Variants in TRPM3 observed in about 807,000 individuals in gnomAD.
TRPM3 encodes transient receptor potential cation channel subfamily M member 3.
A neutral mutation model predicts 181.2 loss-of-function variants in TRPM3; 77 were observed. The observed-to-expected ratio is 0.42, with a 90% CI of 0.35 to 0.51. TRPM3 has a LOEUF of 0.51. Among genes scored for constraint, TRPM3 ranks in the 20% least tolerant of loss-of-function variants. The probability of loss-of-function intolerance (pLI) is 0.01; values close to 1 mark genes in which losing one functional copy is unlikely to be tolerated. For synonymous variants in TRPM3, 745 were observed against 796.4 expected, an observed-to-expected ratio of 0.94 and a Z score of 1.09; for missense variants, 1,759 against 2,196.7, an observed-to-expected ratio of 0.80 and a Z score of 3.98.
At chr9:71,161,530 C>A (rs1281500913) in intron 1 of TRPM3, among the ~76,000 whole-genome samples, 2 of 152,146 alleles carry the variant, frequency 1.3e-5, no homozygotes, top group Admixed American at 6.5e-5. Flanking sequence ...CTTGAATAAA[C>A]CCTAAGCCTT....
chr9:71,065,126 A>C (rs2061759378), intron 1 of TRPM3, among the ~76,000 whole-genome samples: 1 of 152,152 alleles, frequency 6.6e-6, no homozygotes, highest in Non-Finnish European at 1.5e-5. Context: ...TTATGAGTGA[A>C]ACTTGTCCAA....
At chr9:70,814,604 T>C (rs2092497425) in intron 6 of TRPM3, among the ~76,000 whole-genome samples, 1 of 152,186 alleles carries the variant, frequency 6.6e-6, no homozygotes, top group Non-Finnish European at 1.5e-5. Context: ...TTATATGTGA[T>C]TTGAAAATAC....
At chr9:71,278,653 C>T (rs950467733) in intron 1 of TRPM3, among the ~76,000 whole-genome samples, 13 of 152,108 alleles carry the variant, frequency 8.5e-5, no homozygotes, top group African/African-American at 3.1e-4. Flanking sequence ...TTAGGTTGAA[C>T]CGTATGTCCT....
intron 1 of TRPM3, among the ~76,000 whole-genome samples, chr9:71,308,915 T>G (rs1256825726): frequency 6.6e-6 from 1 of 152,190 alleles, no homozygotes; most frequent in Non-Finnish European, 1.5e-5. Context: ...TATGTCATTC[T>G]GTCATCAAAA....
intron 9 of TRPM3, among the ~76,000 whole-genome samples, chr9:70,669,545 G>T (rs997505542): frequency 2.6e-5 from 4 of 152,116 alleles, no homozygotes; most frequent in Non-Finnish European, 5.9e-5. Flanking sequence ...ACTCTCTCCT[G>T]TGAAATGCCA....
intron 1 of TRPM3, among the ~76,000 whole-genome samples, chr9:71,169,440 G>A (rs571280109): frequency 1.3e-5 from 2 of 152,220 alleles, no homozygotes; most frequent in South Asian, 2.1e-4. Context: ...GACAAATTAT[G>A]TGCAGAATGT....
chr9:70,638,998 G>C, intron 11 of TRPM3, 62 bp downstream of exon 11: 1 of 1,564,568 alleles, frequency 6.4e-7, no homozygotes, highest in South Asian at 1.2e-5. Context: ...CATATGGGGG[G>C]CAGGAGAAGG....
At chr9:70,943,287 A>G (rs960805766) in intron 1 of TRPM3, among the ~76,000 whole-genome samples, 3 of 152,266 alleles carry the variant, frequency 2.0e-5, no homozygotes, top group Admixed American at 6.5e-5. Flanking sequence ...ATTTGACTCA[A>G]TAAAAACTCT....
intron 1 of TRPM3, among the ~76,000 whole-genome samples, chr9:71,204,764 G>A (rs377006200): frequency 2.0e-5 from 3 of 151,654 alleles, no homozygotes; most frequent in Non-Finnish European, 4.4e-5. Flanking sequence ...ACATGCACAC[G>A]TATGTTTATT....
chr9:70,743,076 C>T (rs1202691766), intron 8 of TRPM3, among the ~76,000 whole-genome samples: 1 of 152,158 alleles, frequency 6.6e-6, no homozygotes, highest in East Asian at 1.9e-4. Context: ...GACATTTTGA[C>T]ACAGAGAACA....
intron 5 of TRPM3, among the ~76,000 whole-genome samples, chr9:70,834,632 G>C (rs2094181351): frequency 6.6e-6 from 1 of 152,164 alleles, no homozygotes; most frequent in African/African-American, 2.4e-5. Flanking sequence ...CTTACTCTGG[G>C]GGAAGCCAGT....
intron 25 of TRPM3, among the ~76,000 whole-genome samples, chr9:70,540,471 A>G (rs1032738727): frequency 2.0e-5 from 3 of 152,142 alleles, no homozygotes; most frequent in African/African-American, 7.2e-5. Context: ...CCTGACCTTC[A>G]GCCCCAGGAT....
intron 1 of TRPM3, among the ~76,000 whole-genome samples, chr9:71,197,060 C>G (rs868022396): frequency 6.6e-6 from 1 of 152,098 alleles, no homozygotes; most frequent in African/African-American, 2.4e-5. Context: ...GTGATGTTCC[C>G]CTTCCTGTGT....
At chr9:71,094,201 A>G (rs1287549951) in intron 1 of TRPM3, among the ~76,000 whole-genome samples, 1 of 152,090 alleles carries the variant, frequency 6.6e-6, no homozygotes, top group Non-Finnish European at 1.5e-5. Context: ...TGACACCTGT[A>G]TACCTGTATA....
At position 70,700,108 on chromosome 9, in the gene TRPM3, G is replaced by A. The variant is rs377448566; in HGVS notation, c.1273-18530C>T. 1.2e-3 allele frequency among the ~76,000 whole-genome samples: 189 copies of A among 152,196 alleles called. 2 individuals are homozygous for A. The highest frequency in any genetic ancestry group is 4.4e-3 in the African/African-American group (181 of 41,538). ...AGCGATTCTCCTGCCTCAGACACCC[G>A]AGTAGCTTAGACTACAGGCATGTGC... On this transcript the variant is annotated intron_variant, in intron 8 of 25. Coordinates refer to ENST00000677713, the MANE Select transcript of TRPM3 (RefSeq NM_001366145.2).
At chr9:71,208,038 A>G (rs892695616) in intron 1 of TRPM3, among the ~76,000 whole-genome samples, 2 of 152,172 alleles carry the variant, frequency 1.3e-5, no homozygotes, top group Non-Finnish European at 2.9e-5. Flanking sequence ...CTGACAGAGT[A>G]GGGCCGGAAT....
intron 1 of TRPM3, among the ~76,000 whole-genome samples, chr9:71,153,905 C>G (rs2075860157): frequency 2.0e-5 from 3 of 152,064 alleles, no homozygotes; most frequent in Admixed American, 1.3e-4. Context: ...TGCACATAGT[C>G]TAATTTAGGG....
chr9:70,783,976 T>C, intron 7 of TRPM3, 129 bp downstream of exon 7: 1 of 1,463,562 alleles, frequency 6.8e-7, no homozygotes, highest in African/African-American at 1.4e-5. Context: ...ACAGACATTT[T>C]TTAGACAATT....
chr9:70,762,352 C>A (rs1159475248), intron 7 of TRPM3, among the ~76,000 whole-genome samples: 1 of 152,140 alleles, frequency 6.6e-6, no homozygotes, highest in Non-Finnish European at 1.5e-5. Context: ...TTAAAAGATA[C>A]TTTTATGCTA....
Sources: allele counts gnomAD v4.1 joint callset (sites outside exome capture counted in the v4.1 genomes callset), GRCh38; gene constraint gnomAD v4.1.1; transcripts MANE v1.5; gene names NCBI Gene and HGNC (gene_info 2026-07-23, HGNC 2026-07-21).